CCDC191: variants seen among roughly 807,000 people sequenced by gnomAD.
The protein encoded by CCDC191 is coiled-coil domain-containing protein 191.
In CCDC191, 99 loss-of-function variants were observed where a neutral mutation model predicts 114.0. That is an observed-to-expected ratio of 0.87 (90% CI 0.74 to 1.03). CCDC191 has a LOEUF of 1.03. CCDC191 is among the 50% of genes least tolerant of loss of function. The pLI, the probability that CCDC191 is intolerant of heterozygous loss-of-function variation, is 0.00. For missense variants in CCDC191, 973 were observed against 1,087.0 expected (o/e 0.90, Z 1.47); for synonymous variants, 351 against 376.0 (o/e 0.93, Z 0.77).
upstream of CCDC191, chr3:114,056,541 C>A: frequency 1.9e-6 from 3 of 1,610,124 alleles, no homozygotes; most frequent in Non-Finnish European, 1.7e-6. Context: ...CCGGGTCACG[C>A]TGGGAATTGT....
At chr3:114,034,900 C>G in intron 6 of CCDC191, 25 bp downstream of exon 6, 5 of 1,595,576 alleles carry the variant, frequency 3.1e-6, no homozygotes, top group Non-Finnish European at 4.3e-6. Flanking sequence ...AGAGAAACCC[C>G]ACAGTGCTTA....
intron 9 of CCDC191, among the ~76,000 whole-genome samples, chr3:114,008,416 G>A (rs1305910593): frequency 1.3e-5 from 2 of 151,924 alleles, no homozygotes; most frequent in Non-Finnish European, 2.9e-5. Context: ...CTACTTGCTA[G>A]CAATAATCAG....
chr3:114,013,013 G>A (rs1156450756), intron 8 of CCDC191, among the ~76,000 whole-genome samples: 2 of 152,168 alleles, frequency 1.3e-5, no homozygotes, highest in Admixed American at 1.3e-4. Context: ...AATTTGGGAG[G>A]CTGAGGTGAG....
intron 13 of CCDC191, chr3:113,983,965 T>G (rs2075265774): frequency 6.6e-6 from 1 of 152,196 alleles, no homozygotes; most frequent in Non-Finnish European, 1.5e-5. Context: ...AGTGGCCACC[T>G]TACTGTGGCA....
At chr3:113,988,073 A>G (rs1293364676) in intron 13 of CCDC191, among the ~76,000 whole-genome samples, 2 of 151,930 alleles carry the variant, frequency 1.3e-5, no homozygotes, top group Admixed American at 6.6e-5. Context: ...AAAGAGGTAT[A>G]AAAACTCCAA....
At chr3:114,041,821 G>C (rs1049822729) in intron 4 of CCDC191, among the ~76,000 whole-genome samples, 1 of 152,112 alleles carries the variant, frequency 6.6e-6, no homozygotes, top group African/African-American at 2.4e-5. Flanking sequence ...AGACCCTTGA[G>C]TGTATTAGAT....
chr3:114,024,256 T>C (rs2076286239), intron 7 of CCDC191, among the ~76,000 whole-genome samples: 1 of 152,222 alleles, frequency 6.6e-6, no homozygotes, highest in African/African-American at 2.4e-5. Flanking sequence ...TTGGTGGGAC[T>C]GTAAACTAGT....
intron 2 of CCDC191, among the ~76,000 whole-genome samples, chr3:114,051,493 T>A (rs1168619656): frequency 3.9e-5 from 6 of 152,192 alleles, no homozygotes; most frequent in Non-Finnish European, 8.8e-5. Flanking sequence ...TTTGGGAGGC[T>A]GAGCCCAGTG....
In CCDC191 at chr3:114,042,772, T is replaced by C; in HGVS notation, c.346A>G (p.Lys116Glu). ...ELASEEEGDA[K>E]NTVSSVTIMP... ...ATAGTGACACTTGACACAGTGTTTT[T>C]AGCATCACCTTCTTCCTCACTTGCT... Residue 116 changes from lysine to glutamate, a missense_variant, in exon 4 of 17, where the codon AAA becomes GAA. Lys to Glu is a moderately conservative substitution (Grantham distance 56). Coordinates refer to ENST00000295878, the MANE Select transcript of CCDC191 (RefSeq NM_020817.2). 6.2e-7 allele frequency: 1 copy of C among 1,602,132 alleles called. No homozygotes were observed. Among genetic ancestry groups the C allele is most frequent in the Non-Finnish European group, 8.5e-7 (1 of 1,175,876 alleles).
chr3:113,976,061 A>G (rs1424927726), intron 16 of CCDC191, among the ~76,000 whole-genome samples: 1 of 151,998 alleles, frequency 6.6e-6, no homozygotes, highest in African/African-American at 2.4e-5. Context: ...GTTTGAGATC[A>G]GCCTGGGCAG....
At chr3:113,984,975 C>G (rs1235195071) in intron 13 of CCDC191, among the ~76,000 whole-genome samples, 2 of 152,012 alleles carry the variant, frequency 1.3e-5, no homozygotes, top group East Asian at 3.9e-4. Context: ...AGGCACAGGA[C>G]CTAAGCATTT....
chr3:114,049,187 G>C (rs2076669093), intron 2 of CCDC191, among the ~76,000 whole-genome samples: 1 of 152,218 alleles, frequency 6.6e-6, no homozygotes, highest in Admixed American at 6.5e-5. Flanking sequence ...ATTAGAGTTA[G>C]AGTCAAGAAA....
intron 3 of CCDC191, among the ~76,000 whole-genome samples, chr3:114,043,845 G>A (rs1314808700): frequency 1.3e-5 from 2 of 152,226 alleles, no homozygotes; most frequent in South Asian, 2.1e-4. Context: ...TTTTGAGGTG[G>A]AGTTGACATG....
intron 12 of CCDC191, 180 bp from the exon 13 acceptor site, chr3:114,001,876 T>C (rs1421473183): frequency 4.6e-6 from 3 of 656,102 alleles, no homozygotes; most frequent in Non-Finnish European, 7.5e-6. Context: ...AACTTAAAAG[T>C]TTCTCCAAAA....
chr3:113,976,816 A>C (rs1559873731), intron 16 of CCDC191, among the ~76,000 whole-genome samples: 1 of 152,182 alleles, frequency 6.6e-6, no homozygotes, highest in Non-Finnish European at 1.5e-5. Flanking sequence ...GTTCAGGGTC[A>C]CATAGATATT....
intron 7 of CCDC191, among the ~76,000 whole-genome samples, chr3:114,030,421 T>C (rs1389979093): frequency 6.6e-6 from 1 of 152,180 alleles, no homozygotes; most frequent in Non-Finnish European, 1.5e-5. Context: ...TCTTATTTTC[T>C]CTTTGAAATC....
intron 13 of CCDC191, among the ~76,000 whole-genome samples, chr3:113,996,984 C>G (rs2075739614): frequency 6.6e-6 from 1 of 152,126 alleles, no homozygotes; most frequent in Non-Finnish European, 1.5e-5. Context: ...CACATGTATA[C>G]CTATGTAACA....
intron 7 of CCDC191, among the ~76,000 whole-genome samples, chr3:114,019,134 G>A (rs1234981820): frequency 6.6e-6 from 1 of 152,170 alleles, no homozygotes; most frequent in East Asian, 1.9e-4. Flanking sequence ...GTCCCATGGG[G>A]AGCTGGAATA....
At chr3:114,043,711 G>C (rs2076593646) in intron 3 of CCDC191, among the ~76,000 whole-genome samples, 1 of 152,136 alleles carries the variant, frequency 6.6e-6, no homozygotes, top group African/African-American at 2.4e-5. Context: ...ATAAACTATA[G>C]GGGATAAGCA....
Sources: allele counts gnomAD v4.1 joint callset (sites outside exome capture counted in the v4.1 genomes callset), GRCh38; gene constraint gnomAD v4.1.1; transcripts MANE v1.5; gene names NCBI Gene and HGNC (gene_info 2026-07-23, HGNC 2026-07-21).